Variants in SLC44A5 observed in about 807,000 individuals in gnomAD.
SLC44A5 encodes the protein solute carrier family 44 member 5.
A neutral mutation model predicts 101.8 loss-of-function variants in SLC44A5; 57 were observed. The ratio of observed to expected loss-of-function variants is 0.56; its 90% confidence interval spans 0.45 to 0.70. The LOEUF (loss-of-function observed/expected upper bound fraction) is 0.70, where lower values mean the gene tolerates loss of function less well. SLC44A5 is among the 30% of genes least tolerant of loss of function. The probability of loss-of-function intolerance (pLI) is 0.00; values close to 1 mark genes in which losing one functional copy is unlikely to be tolerated. For synonymous variants in SLC44A5, 281 were observed against 290.9 expected, an observed-to-expected ratio of 0.97 and a Z score of 0.35; for missense variants, 737 against 853.1, an observed-to-expected ratio of 0.86 and a Z score of 1.70.
chr1:75,236,882 C>T (rs1412040725), intron 11 of SLC44A5, 105 bp downstream of exon 11: 3 of 600,310 alleles, frequency 5.0e-6, no homozygotes, highest in Non-Finnish European at 8.7e-6. Context: ...GCCACCAGTA[C>T]ATTTCTTTTA....
At chr1:75,302,096 G>T (rs1013966520) in intron 4 of SLC44A5, among the ~76,000 whole-genome samples, 1 of 118,428 alleles carries the variant, frequency 8.4e-6, no homozygotes, top group African/African-American at 3.4e-5. Context: ...AAGAAAGCAG[G>T]TGCTCTAGTT....
chr1:75,217,752 C>G (rs954277320), intron 18 of SLC44A5, 114 bp downstream of exon 18: 14 of 719,478 alleles, frequency 1.9e-5, no homozygotes, highest in Non-Finnish European at 3.2e-5. Flanking sequence ...AGAACGGGTC[C>G]CAAATATGCC....
intron 3 of SLC44A5, among the ~76,000 whole-genome samples, chr1:75,395,589 A>C (rs1662073734): frequency 6.6e-6 from 1 of 152,204 alleles, no homozygotes; most frequent in African/African-American, 2.4e-5. Flanking sequence ...AGTACATGAG[A>C]GTCAATAAAT....
chr1:75,579,843 A>ACACACACACACAC (rs71071947), intron 1 of SLC44A5, among the ~76,000 whole-genome samples: 2 of 152,066 alleles, frequency 1.3e-5, no homozygotes, highest in Admixed American at 6.6e-5. Context: ...ACACACACAC[A>ACACACACACACAC]AACTAGTCAG....
the SLC44A5 span, among the ~76,000 whole-genome samples, chr1:75,692,185 CTTTT>C: frequency 9.4e-5 from 8 of 84,774 alleles, no homozygotes; most frequent in African/African-American, 2.5e-4. Context: ...AGATGGGATT[CTTTT>C]TTTTTTTTTT....
intron 5 of SLC44A5, among the ~76,000 whole-genome samples, chr1:75,283,090 C>A (rs1038353923): frequency 6.6e-6 from 1 of 152,084 alleles, no homozygotes; most frequent in African/African-American, 2.4e-5. Context: ...ACACTGTTTT[C>A]CATAGTGGTA....
chr1:75,667,021 C>T, the SLC44A5 span, among the ~76,000 whole-genome samples: 6 of 152,046 alleles, frequency 3.9e-5, no homozygotes, highest in African/African-American at 7.2e-5. Flanking sequence ...CTCTGAAAAC[C>T]GGCACAAGAC....
chr1:75,613,456 T>C (rs1478679161), upstream of SLC44A5, among the ~76,000 whole-genome samples: 1 of 152,232 alleles, frequency 6.6e-6, no homozygotes, highest in Non-Finnish European at 1.5e-5. Context: ...TGGGTTTGCT[T>C]CTGTCATCTA....
At position 75,244,904 on chromosome 1, in the gene SLC44A5, T is replaced by A. The variant is rs78528206; in HGVS notation, c.346-1893A>T. 9.0e-3 allele frequency among the ~76,000 whole-genome samples: 1,372 copies of A among 152,230 alleles called. 33 individuals carry two copies. The highest frequency in any genetic ancestry group is 0.031 in the African/African-American group (1,302 of 41,564). On this transcript the variant is annotated intron_variant, in intron 7 of 23. Transcript: ENST00000370859. ...CTTCTTCTGAAATCTTTCTCAGCCC[T>A]GACTTGCTCCATCTCCCTACTCTGG... is the stretch of plus-strand genomic sequence containing the variant.
At chr1:75,268,142 C>G (rs771278808) in intron 6 of SLC44A5, among the ~76,000 whole-genome samples, 1 of 152,128 alleles carries the variant, frequency 6.6e-6, no homozygotes, top group Non-Finnish European at 1.5e-5. Flanking sequence ...TTATCGGCTA[C>G]GTTTTGGCCT....
chr1:75,455,270 C>A (rs1666124463), intron 2 of SLC44A5, among the ~76,000 whole-genome samples: 1 of 151,974 alleles, frequency 6.6e-6, no homozygotes, highest in Non-Finnish European at 1.5e-5. Flanking sequence ...GCGGAAAGGA[C>A]TCTCTATTCA....
chr1:75,645,172 T>A, the SLC44A5 span, among the ~76,000 whole-genome samples: 2 of 152,156 alleles, frequency 1.3e-5, no homozygotes, highest in African/African-American at 4.8e-5. Flanking sequence ...AAATGGTATT[T>A]CTAGTTCTAG....
the SLC44A5 span, among the ~76,000 whole-genome samples, chr1:75,633,794 G>T: frequency 2.0e-5 from 3 of 151,992 alleles, no homozygotes; most frequent in Non-Finnish European, 4.4e-5. Flanking sequence ...TCCCTGTCTT[G>T]TGCCAGTTTT....
At chr1:75,573,874 G>A (rs1232468877) in intron 1 of SLC44A5, among the ~76,000 whole-genome samples, 1 of 152,072 alleles carries the variant, frequency 6.6e-6, no homozygotes, top group African/African-American at 2.4e-5. Flanking sequence ...CAATGTTTTG[G>A]CCACACTGAG....
chr1:75,218,345 AC>A, intron 17 of SLC44A5, 144 bp downstream of exon 17: 1 of 1,155,284 alleles, frequency 8.7e-7, no homozygotes, highest in Non-Finnish European at 1.2e-6. Context: ...ATGAAACCAG[AC>A]AAAACCAATG....
the SLC44A5 span, among the ~76,000 whole-genome samples, chr1:75,616,835 G>C: frequency 6.6e-6 from 1 of 152,210 alleles, no homozygotes; most frequent in Non-Finnish European, 1.5e-5. Flanking sequence ...TTGGGGCTGT[G>C]GGAAAAGAGG....
intron 2 of SLC44A5, among the ~76,000 whole-genome samples, chr1:75,432,113 T>C (rs1664650361): frequency 6.6e-6 from 1 of 152,178 alleles, no homozygotes; most frequent in East Asian, 1.9e-4. Flanking sequence ...AGTTAAGTTA[T>C]CTTGTCAACT....
chr1:75,217,977 T>G lies in SLC44A5; in HGVS notation c.1530-17A>C. On this transcript the variant is annotated splice_polypyrimidine_tract_variant and intron_variant, in intron 17 of 23. Transcript: ENST00000370859. ...GTGTGATATCTGCACAAAAATAAAA[T>G]GAGAATAAGTTAAAACTTAATACTA... 6.7e-7 allele frequency: 1 copy of G among 1,489,838 alleles called. No homozygotes were observed. Among genetic ancestry groups the G allele is most frequent in the Non-Finnish European group, 9.3e-7 (1 of 1,070,282 alleles). 92.3% of individuals were successfully genotyped at this position (1,489,838 alleles called of 1,614,324 possible).
chr1:75,713,291 T>A, the SLC44A5 span, among the ~76,000 whole-genome samples: 1 of 152,304 alleles, frequency 6.6e-6, no homozygotes, highest in Admixed American at 6.5e-5. Flanking sequence ...ATTTCCTATT[T>A]CATTGAGAAA....
Sources: gnomAD v4.1 joint callset for allele counts (sites outside exome capture counted in the v4.1 genomes callset) on GRCh38, gnomAD v4.1.1 for gene constraint, MANE v1.5 for transcripts, NCBI Gene and HGNC (gene_info 2026-07-23, HGNC 2026-07-21) for gene names.